Variants in AGBL4 observed in about 807,000 individuals in gnomAD.
The protein encoded by AGBL4 is AGBL carboxypeptidase 4.
In AGBL4, 58 loss-of-function variants were observed where a neutral mutation model predicts 66.4. The ratio of observed to expected loss-of-function variants is 0.87; its 90% confidence interval spans 0.71 to 1.09. The LOEUF is 1.09. Among genes scored for constraint, AGBL4 ranks in the 50% least tolerant of loss-of-function variants. The probability of loss-of-function intolerance (pLI) is 0.00; values close to 1 mark genes in which losing one functional copy is unlikely to be tolerated. For missense variants in AGBL4, 579 were observed against 631.0 expected, an observed-to-expected ratio of 0.92 and a Z score of 0.88; for synonymous variants, 234 against 222.9, an observed-to-expected ratio of 1.05 and a Z score of -0.44.
Position 49,842,947 on chromosome 1 carries a change from CAT to C in AGBL4, c.157+8447_157+8448del, listed in dbSNP as rs548156267. ...TTAAACCAAATAATTGTTTATAATT[CAT>C]ATGTCTGTGGGACAATGGATCCAGG... is the stretch of plus-strand genomic sequence containing the variant. On this transcript the variant is annotated intron_variant, in intron 2 of 13. Transcript: ENST00000371839. 5.7e-3 allele frequency among the ~76,000 whole-genome samples: 868 copies of C among 152,070 alleles called. 5 individuals are homozygous for C. Among genetic ancestry groups the C allele is most frequent in the Non-Finnish European group, 8.6e-3 (587 of 68,010 alleles).
intron 6 of AGBL4, among the ~76,000 whole-genome samples, chr1:48,749,356 T>C (rs1651292326): frequency 1.3e-5 from 2 of 152,144 alleles, no homozygotes; most frequent in Admixed American, 1.3e-4. Context: ...CCCAGCGCAA[T>C]GTCCTCCATA....
At chr1:48,770,574 C>A (rs1379778637) in intron 6 of AGBL4, among the ~76,000 whole-genome samples, 7 of 152,204 alleles carry the variant, frequency 4.6e-5, no homozygotes, top group Non-Finnish European at 1.0e-4. Context: ...TTCATGACTT[C>A]CAGATTGAGA....
At chr1:49,120,440 G>A (rs1235051661) in intron 4 of AGBL4, among the ~76,000 whole-genome samples, 3 of 152,156 alleles carry the variant, frequency 2.0e-5, no homozygotes, top group African/African-American at 7.2e-5. Context: ...ATGAAGCTTA[G>A]TTTGGCTGGG....
At chr1:49,909,927 T>C (rs1472170917) in intron 1 of AGBL4, among the ~76,000 whole-genome samples, 1 of 152,196 alleles carries the variant, frequency 6.6e-6, no homozygotes, top group Non-Finnish European at 1.5e-5. Context: ...ATCAAAAGTT[T>C]ATGTCTGGGC....
chr1:49,088,554 A>G (rs1644947374), intron 4 of AGBL4, among the ~76,000 whole-genome samples: 1 of 152,182 alleles, frequency 6.6e-6, no homozygotes, highest in Non-Finnish European at 1.5e-5. Flanking sequence ...AGTTCTAGCT[A>G]TACTAAAAAT....
At chr1:49,032,077 G>A (rs1664273901) in intron 5 of AGBL4, among the ~76,000 whole-genome samples, 1 of 152,118 alleles carries the variant, frequency 6.6e-6, no homozygotes. Context: ...GGGCCAATGT[G>A]TATACAAGTT....
chr1:49,462,863 A>C (rs1646545423), intron 3 of AGBL4, among the ~76,000 whole-genome samples: 1 of 151,744 alleles, frequency 6.6e-6, no homozygotes, highest in African/African-American at 2.4e-5. Flanking sequence ...CAAGATCCCC[A>C]AGATATTTCG....
intron 7 of AGBL4, among the ~76,000 whole-genome samples, chr1:48,657,812 A>C (rs868629252): frequency 9.2e-5 from 14 of 152,186 alleles, no homozygotes; most frequent in African/African-American, 3.4e-4. Flanking sequence ...TCAAAATAGA[A>C]ACTGAATTCA....
At chr1:49,118,890 A>C (rs893264504) in intron 4 of AGBL4, among the ~76,000 whole-genome samples, 1 of 152,172 alleles carries the variant, frequency 6.6e-6, no homozygotes, top group Non-Finnish European at 1.5e-5. Flanking sequence ...TTATTGGTCT[A>C]TTCAGAGATT....
chr1:48,901,517 C>T (rs1652076941), intron 5 of AGBL4, among the ~76,000 whole-genome samples: 1 of 152,002 alleles, frequency 6.6e-6, no homozygotes, highest in African/African-American at 2.4e-5. Context: ...TATATCTATA[C>T]AATAAAATAC....
rs114191076 is a variant in AGBL4, at chr1:49,308,082, G to A, written c.283-62218C>T. Among the ~76,000 whole-genome samples the A allele has an allele frequency of 4.3e-3, 653 of 152,156 alleles. 6 individuals carry two copies. The highest frequency in any genetic ancestry group is 0.015 in the African/African-American group (634 of 41,538). On this transcript the variant is annotated intron_variant, in intron 3 of 13. Transcript: ENST00000371839. ...TGCTCTCTCTTGCCCCTGCTCCTGA[G>A]GCATGCTCCTGCTTTGCCTTCTGCC... is the stretch of plus-strand genomic sequence containing the variant.
At chr1:49,049,211 C>T (rs932921758) in intron 4 of AGBL4, among the ~76,000 whole-genome samples, 1 of 152,078 alleles carries the variant, frequency 6.6e-6, no homozygotes, top group African/African-American at 2.4e-5. Flanking sequence ...TCTACCTGGT[C>T]TGCCTTCCCC....
chr1:48,663,010 G>T, intron 7 of AGBL4, 142 bp downstream of exon 7: 2 of 700,138 alleles, frequency 2.9e-6, no homozygotes, highest in African/African-American at 1.8e-5. Flanking sequence ...ACCTAATGGA[G>T]ATCAGGTAAA....
intron 3 of AGBL4, among the ~76,000 whole-genome samples, chr1:49,380,911 T>C (rs1345315367): frequency 6.6e-6 from 1 of 152,064 alleles, no homozygotes. Context: ...AACCTAGGCA[T>C]TACCATTCAG....
chr1:48,882,759 T>C (rs773979671), intron 5 of AGBL4, among the ~76,000 whole-genome samples: 1 of 152,202 alleles, frequency 6.6e-6, no homozygotes, highest in Non-Finnish European at 1.5e-5. Flanking sequence ...ATGACCAACA[T>C]GTTCCTGTCC....
At chr1:49,108,762 A>G (rs1365990131) in intron 4 of AGBL4, among the ~76,000 whole-genome samples, 1 of 152,184 alleles carries the variant, frequency 6.6e-6, no homozygotes, top group African/African-American at 2.4e-5. Flanking sequence ...GCCACCTGCC[A>G]GCAGGAGATA....
chr1:49,535,679 C>G (rs1188765391), intron 3 of AGBL4, among the ~76,000 whole-genome samples: 3 of 151,934 alleles, frequency 2.0e-5, no homozygotes, highest in African/African-American at 7.3e-5. Context: ...ATTCATTAAA[C>G]TTTTCGTTTG....
At chr1:48,969,217 A>G (rs1246451768) in intron 5 of AGBL4, among the ~76,000 whole-genome samples, 1 of 151,894 alleles carries the variant, frequency 6.6e-6, no homozygotes, top group Admixed American at 6.6e-5. Context: ...CACGTTGGCT[A>G]ATACCATAAT....
chr1:49,108,989 A>C (rs190848088), intron 4 of AGBL4, among the ~76,000 whole-genome samples: 1 of 152,312 alleles, frequency 6.6e-6, no homozygotes, highest in Admixed American at 6.5e-5. Flanking sequence ...CCTACCTGAA[A>C]AATGAGGGGG....
Sources: allele counts gnomAD v4.1 joint callset (sites outside exome capture counted in the v4.1 genomes callset), GRCh38; gene constraint gnomAD v4.1.1; transcripts MANE v1.5; gene names NCBI Gene and HGNC (gene_info 2026-07-23, HGNC 2026-07-21).